Variants in NRXN3 observed in about 807,000 individuals in gnomAD.
NRXN3 encodes neurexin III.
NRXN3 carries 32 observed loss-of-function variants against 137.6 expected under a neutral mutation model. That is an observed-to-expected ratio of 0.23 (90% CI 0.18 to 0.31). The LOEUF (loss-of-function observed/expected upper bound fraction) is 0.31. Ranked by LOEUF, NRXN3 falls within the 10% of genes least tolerant of loss-of-function variation. The pLI, the probability that NRXN3 is intolerant of heterozygous loss-of-function variation, is 1.00. For missense variants in NRXN3, 1,574 were observed against 2,062.5 expected (o/e 0.76, Z 4.59); for synonymous variants, 798 against 784.5 (o/e 1.02, Z -0.29).
intron 19 of NRXN3, among the ~76,000 whole-genome samples, chr14:79,733,687 T>A (rs1390747092): frequency 6.6e-6 from 1 of 151,770 alleles, no homozygotes; most frequent in South Asian, 2.1e-4. Context: ...TTTTTTTTTT[T>A]TATAACTGTG....
At chr14:79,290,722 A>G (rs1039923770) in intron 15 of NRXN3, among the ~76,000 whole-genome samples, 1 of 151,884 alleles carries the variant, frequency 6.6e-6, no homozygotes, top group Non-Finnish European at 1.5e-5. Context: ...AAATGCGTCT[A>G]TGGGTCATTT....
intron 6 of NRXN3, among the ~76,000 whole-genome samples, chr14:78,704,280 T>C (rs910303034): frequency 6.6e-6 from 1 of 152,134 alleles, no homozygotes; most frequent in African/African-American, 2.4e-5. Flanking sequence ...TGGTAGGTAA[T>C]AAAAGGATTC....
intron 9 of NRXN3, among the ~76,000 whole-genome samples, chr14:78,808,201 ACTGT>A (rs1327154161): frequency 6.6e-6 from 1 of 152,152 alleles, no homozygotes; most frequent in East Asian, 1.9e-4. Context: ...AAGTAAACAA[ACTGT>A]CTGCCATCTT....
intron 15 of NRXN3, among the ~76,000 whole-genome samples, chr14:79,349,253 C>T (rs1486240495): frequency 1.3e-5 from 2 of 151,872 alleles, no homozygotes; most frequent in South Asian, 4.2e-4. Flanking sequence ...TCAAATTTTA[C>T]AGAAATTTTA....
chr14:78,962,564 T>A (rs1343466173), intron 11 of NRXN3, among the ~76,000 whole-genome samples: 1 of 152,082 alleles, frequency 6.6e-6, no homozygotes. Context: ...AAAAAAAAAA[T>A]ATTTGGTTGG....
At chr14:79,122,727 A>G (rs2055668855) in intron 15 of NRXN3, among the ~76,000 whole-genome samples, 1 of 152,138 alleles carries the variant, frequency 6.6e-6, no homozygotes, top group African/African-American at 2.4e-5. Context: ...ATTTGTATAC[A>G]TTCTTTTATT....
At chr14:79,051,348 CAAAA>C (rs562187208) in intron 15 of NRXN3, among the ~76,000 whole-genome samples, 1 of 151,922 alleles carries the variant, frequency 6.6e-6, no homozygotes, top group African/African-American at 2.4e-5. Flanking sequence ...CACAACTCAA[CAAAA>C]AAAAGTTATT....
intron 16 of NRXN3, among the ~76,000 whole-genome samples, chr14:79,533,433 G>A (rs1011227321): frequency 3.9e-5 from 6 of 152,112 alleles, no homozygotes; most frequent in South Asian, 2.1e-4. Context: ...TTTGACTACC[G>A]ACAGTTATGT....
chr14:79,784,010 A>G (rs1446887631), intron 19 of NRXN3, among the ~76,000 whole-genome samples: 1 of 152,216 alleles, frequency 6.6e-6, no homozygotes, highest in Non-Finnish European at 1.5e-5. Flanking sequence ...AAAGGATACA[A>G]TTAAATACTC....
chr14:79,047,411 G>T (rs146725692), intron 15 of NRXN3, among the ~76,000 whole-genome samples: 18 of 152,100 alleles, frequency 1.2e-4, no homozygotes, highest in African/African-American at 4.3e-4. Flanking sequence ...AAAGCACTAA[G>T]TATATAAAAG....
At chr14:79,264,555 TGTGC>T (rs1555906770) in intron 15 of NRXN3, among the ~76,000 whole-genome samples, 1 of 149,118 alleles carries the variant, frequency 6.7e-6, no homozygotes, top group Non-Finnish European at 1.5e-5. Context: ...TGTGTGTGTG[TGTGC>T]GCGCGTGCAT....
At chr14:78,360,979 C>G (rs982308509) in intron 4 of NRXN3, among the ~76,000 whole-genome samples, 4 of 152,168 alleles carry the variant, frequency 2.6e-5, no homozygotes, top group Non-Finnish European at 4.4e-5. Context: ...ATTTCTCACC[C>G]CAGTGGTTCT....
At chr14:79,847,481 G>C (rs971900405) in intron 20 of NRXN3, among the ~76,000 whole-genome samples, 3 of 152,088 alleles carry the variant, frequency 2.0e-5, no homozygotes, top group African/African-American at 7.2e-5. Context: ...TGAAATTTGA[G>C]ACAAGTCACT....
intron 15 of NRXN3, among the ~76,000 whole-genome samples, chr14:79,194,969 T>C (rs79475705): frequency 0.035 from 5,404 of 152,242 alleles, 231 homozygotes; most frequent in East Asian, 0.21. Flanking sequence ...TCTTTTTTTT[T>C]TCTCTGATAT....
chr14:79,157,139 T>C (rs2060324019), intron 15 of NRXN3, among the ~76,000 whole-genome samples: 1 of 151,840 alleles, frequency 6.6e-6, no homozygotes, highest in African/African-American at 2.4e-5. Context: ...AAAGGTTCCT[T>C]CTCTGCTTAG....
rs2099418159 is a variant in NRXN3 at position 79,866,601 on chromosome 14, C to G, written c.*4637C>G. 1 of 152,094 alleles carries G rather than the reference C, an allele frequency of 6.6e-6. No individual in the cohort carries two copies. The highest frequency in any genetic ancestry group is 6.6e-5 in the Admixed American group (1 of 15,264). The allele number at this position is 152,094 out of a possible 1,614,324, so 9.4% of individuals were successfully genotyped here. On this transcript the variant is annotated 3_prime_UTR_variant, in exon 21 of 21. Coordinates refer to ENST00000335750, the MANE Select transcript of NRXN3 (RefSeq NM_001330195.2). ...ATATGAGTAGGAAGGTTTTTGAAAT[C>G]ATGTCAATGAATGGGAAGAGAGAAA...
At chr14:78,586,241 T>C (rs1025028800) in intron 4 of NRXN3, among the ~76,000 whole-genome samples, 2 of 152,090 alleles carry the variant, frequency 1.3e-5, no homozygotes, top group Admixed American at 1.3e-4. Context: ...ACAGGGTTTT[T>C]GTTTTTGTTT....
At chr14:78,498,265 T>A (rs1409764382) in intron 4 of NRXN3, among the ~76,000 whole-genome samples, 1 of 152,146 alleles carries the variant, frequency 6.6e-6, no homozygotes, top group Non-Finnish European at 1.5e-5. Context: ...AAAGAACAAT[T>A]GAGAATATCA....
chr14:79,752,976 T>C (rs1214404763), intron 19 of NRXN3, among the ~76,000 whole-genome samples: 2 of 151,976 alleles, frequency 1.3e-5, no homozygotes, highest in African/African-American at 2.4e-5. Flanking sequence ...AAAATGCTCA[T>C]CATCACTGGC....
Sources: gnomAD v4.1 joint callset for allele counts (sites outside exome capture counted in the v4.1 genomes callset) on GRCh38, gnomAD v4.1.1 for gene constraint, MANE v1.5 for transcripts, NCBI Gene and HGNC (gene_info 2026-07-23, HGNC 2026-07-21) for gene names.